TCHH: variants seen among roughly 807,000 people sequenced by gnomAD.
TCHH encodes the protein trichohyalin.
Under a neutral mutation model 6.3 loss-of-function variants are expected in TCHH, and 6 were observed. The ratio of observed to expected loss-of-function variants is 0.95; its 90% CI spans 0.52 to 1.88. TCHH has a LOEUF of 1.88. Among genes scored for constraint, TCHH ranks in the 40% most tolerant of loss-of-function variants. The probability of loss-of-function intolerance (pLI) is 0.01; values close to 1 mark genes in which losing one functional copy is unlikely to be tolerated. For missense variants in TCHH, 2,920 were observed against 2,449.1 expected, an observed-to-expected ratio of 1.19 and a Z score of -4.06; for synonymous variants, 1,087 against 963.6, an observed-to-expected ratio of 1.13 and a Z score of -2.37.
Position 152,107,574 on chromosome 1 carries a change from C to T in TCHH, c.5643G>A (p.Arg1881=). The part of the protein sequence containing the change: ...KRRQERERKL[R]EEHIRRQQKE... Reference sequence around the variant, plus strand: ...TCTGCTGGCGGCGGATGTGTTCTTCCCGTAATTTCCTTTCCCGTTCCTGGC... The same window carrying T: ...TCTGCTGGCGGCGGATGTGTTCTTCTCGTAATTTCCTTTCCCGTTCCTGGC... The change falls in exon 3 of 3, where the codon CGG becomes CGA. Residue 1881 remains arginine (R), a synonymous_variant. Transcript: ENST00000614923. 3 of 1,614,060 alleles carry T rather than the reference C, an allele frequency of 1.9e-6. No individual in the cohort carries two copies.
At position 152,109,494 on chromosome 1, in the gene TCHH, G is replaced by A; in HGVS notation, c.3723C>T (p.Tyr1241=). The change falls in exon 3 of 3, where the codon TAC becomes TAT. Residue 1241 remains tyrosine (Y), a synonymous_variant. Transcript: ENST00000614923. ...ACTGTTCATTCTCTCTGCCTTTGCA[G>A]TAAACCTTGTTATCACGAACTGCAT... is the stretch of plus-strand genomic sequence containing the variant. The part of the protein sequence containing the change: ...KENAVRDNKV[Y]CKGRENEQFR... 1.2e-6 allele frequency: 2 copies of A among 1,614,280 alleles called. No homozygotes were observed. The highest frequency in any genetic ancestry group is 1.7e-6 in the Non-Finnish European group (2 of 1,180,056).
Position 152,113,038 on chromosome 1 carries a change from A to C in TCHH, c.179T>G (p.Leu60Arg). 6.2e-7 allele frequency: 1 copy of C among 1,613,864 alleles called. No individual in the cohort carries two copies. The highest frequency in any genetic ancestry group is 8.5e-7 in the Non-Finnish European group (1 of 1,179,892). ...ACGCCCATTACTGTCAAGATCCAGA[A>C]GTTCCAGGATCAGATCTACCGTCTT... ...DPKTVDLILE[L>R]LDLDSNGRVD... Residue 60 changes from leucine (L) to arginine (R), a missense_variant, in exon 3 of 3, where the codon CTT becomes CGT. Physicochemically the swap from Leu to Arg is moderately radical, Grantham distance 102 (BLOSUM62 -2). Transcript: ENST00000614923.
rs750300512 is a variant in TCHH, at chr1:152,110,354, C to G, written c.2863G>C (p.Glu955Gln). The stretch of plus-strand genomic sequence containing the variant: ...TCCTTCCGATATTGCCTTTCCCGCT[C>G]CTGGCGTCTTCTTTTCTCCCGTTCC... ...REEREKRRRQ[E>Q]RERQYRKDKK... Residue 955 changes from glutamate to glutamine, a missense_variant, in exon 3 of 3, where the codon GAG becomes CAG. By Grantham distance (29) the Glu-to-Gln change is conservative. Transcript: ENST00000614923. 6 of 1,611,536 alleles carry G rather than the reference C, an allele frequency of 3.7e-6. No homozygotes were observed. Among genetic ancestry groups the G allele is most frequent in the Admixed American group, 3.4e-5 (2 of 59,698 alleles).
In TCHH at chr1:152,108,359, T is replaced by G. The variant is rs532836498; in HGVS notation, c.4858A>C (p.Lys1620Gln). Residue 1620 changes from lysine (K) to glutamine (Q), a missense_variant, in exon 3 of 3, where the codon AAA (lysine) becomes CAA (glutamine). Transcript: ENST00000614923. ...QQQLRQERDR[K>Q]FREDEQLLQE... is the part of the protein sequence containing the mutation. ...AGCAGCTGTTCGTCTTCGCGGAATT[T>G]TCTGTCGCGCTCCTGGCGCAGCTGT... 6.2e-7 allele frequency: 1 copy of G among 1,607,014 alleles called. No individual in the cohort carries two copies. Among genetic ancestry groups the G allele is most frequent in the African/African-American group, 1.4e-5 (1 of 72,940 alleles).
In TCHH at chr1:152,113,046, G is replaced by T; in HGVS notation, c.171C>A (p.Ile57=). Residue 57 remains isoleucine (I), a synonymous_variant, in exon 3 of 3, where the codon ATC becomes ATA. Transcript: ENST00000614923. Reference sequence around the variant, plus strand: ...TACTGTCAAGATCCAGAAGTTCCAGGATCAGATCTACCGTCTTAGGGTCAT... The same window carrying T: ...TACTGTCAAGATCCAGAAGTTCCAGTATCAGATCTACCGTCTTAGGGTCAT... ...RPHDPKTVDL[I]LELLDLDSNG... The T allele has an allele frequency of 6.2e-7, 1 of 1,613,510 alleles. No homozygotes were observed. The highest frequency in any genetic ancestry group is 8.5e-7 in the Non-Finnish European group (1 of 1,179,740).
In TCHH at chr1:152,111,147, C is replaced by T; in HGVS notation, c.2070G>A (p.Gln690=). The T allele has an allele frequency of 6.2e-7, 1 of 1,613,898 alleles. No homozygotes were observed. Among genetic ancestry groups the T allele is most frequent in the Non-Finnish European group, 8.5e-7 (1 of 1,180,040 alleles). ...RREQELAEEE[Q]EQARERIKSR... is the part of the protein sequence containing the mutation. ...TCTTAATCCGCTCCCGGGCCTGTTC[C>T]TGCTCCTCCTCAGCTAGCTCCTGCT... Residue 690 remains glutamine (Q), a synonymous_variant, in exon 3 of 3, where the codon CAG becomes CAA. Transcript: ENST00000614923.
Position 152,113,048 on chromosome 1 carries a change from T to C in TCHH, c.169A>G (p.Ile57Val), listed in dbSNP as rs773274206. 1.7e-5 allele frequency: 28 copies of C among 1,613,496 alleles called. 1 individual carries two copies. The highest frequency in any genetic ancestry group is 4.4e-5 in the South Asian group (4 of 91,018). Residue 57 changes from isoleucine (I) to valine (V), a missense_variant, in exon 3 of 3, where the codon ATC (isoleucine) becomes GTC (valine). By Grantham distance (29) the Ile-to-Val change is conservative. Coordinates refer to ENST00000614923, the MANE Select transcript of TCHH (RefSeq NM_007113.4). ...CTGTCAAGATCCAGAAGTTCCAGGATCAGATCTACCGTCTTAGGGTCATGT... is the reference window on the plus strand; with the variant it reads ...CTGTCAAGATCCAGAAGTTCCAGGACCAGATCTACCGTCTTAGGGTCATGT... ...RPHDPKTVDL[I>V]LELLDLDSNG...
intron 1 of TCHH, 103 bp from the exon 2 acceptor site, chr1:152,114,214 A>C: frequency 1.2e-6 from 1 of 801,538 alleles, no homozygotes; most frequent in Non-Finnish European, 1.9e-6. Context: ...TTGAATTTAT[A>C]GCGGTAATTT....
rs1249929520 is a variant in TCHH, at chr1:152,108,122, G to A, written c.5095C>T (p.Gln1699Ter). 3.7e-6 allele frequency: 6 copies of A among 1,612,944 alleles called. No homozygotes were observed. Among genetic ancestry groups the A allele is most frequent in the Admixed American group, 3.3e-5 (2 of 59,950 alleles). Residue 1699 changes from glutamine to a stop codon, truncating the protein, a stop_gained, in exon 3 of 3, where the codon CAG (glutamine) becomes TAG (stop). Transcript: ENST00000614923. LOFTEE classifies it low-confidence loss of function (END_TRUNC). ...RDRKFREEEQQLRRQERERKF... is the reference protein window; with the variant it reads ...RDRKFREEEQ ...CTCTCTCGTTCCTGACGGCGGAGCT[G>A]CTGTTCCTCTTCGCGGAATTTTCTG...
Position 152,109,728 on chromosome 1 carries a change from G to A in TCHH, c.3489C>T (p.Arg1163=). The change falls in exon 3 of 3, where the codon CGC becomes CGT. Residue 1163 remains arginine, a synonymous_variant. Transcript: ENST00000614923. ...LLREEPEKRR[R]QELERQYREE... ...CGCGGTATTGCCTCTCCAGCTCCTG[G>A]CGCCTTCTCTTCTCCGGTTCCTCTC... 1 of 1,602,470 alleles carries A rather than the reference G, an allele frequency of 6.2e-7. No homozygotes were observed. The highest frequency in any genetic ancestry group is 8.5e-7 in the Non-Finnish European group (1 of 1,176,384).
chr1:152,110,611 C>T lies in TCHH; in HGVS notation c.2606G>A (p.Arg869His), dbSNP rs1021245656. ...DQERRRSQEQ[R>H]RDQKWRWQLE... is the part of the protein sequence containing the mutation. ...TTGCCACCTCCATTTTTGGTCGCGG[C>T]GCTGCTCCTGGCTTCGCCTCCTCTC... The change falls in exon 3 of 3, where the codon CGC (arginine) becomes CAC (histidine). Residue 869 changes from arginine (R) to histidine (H), a missense_variant. Coordinates refer to ENST00000614923, the MANE Select transcript of TCHH (RefSeq NM_007113.4). 2.5e-6 allele frequency: 4 copies of T among 1,614,046 alleles called. No individual in the cohort carries two copies. The highest frequency in any genetic ancestry group is 1.3e-5 in the African/African-American group (1 of 74,924).
At position 152,108,835 on chromosome 1, in the gene TCHH, C is replaced by T; in HGVS notation, c.4382G>A (p.Arg1461Lys). 1.2e-6 allele frequency: 2 copies of T among 1,608,080 alleles called. No individual in the cohort carries two copies. The highest frequency in any genetic ancestry group is 1.4e-5 in the African/African-American group (1 of 72,722). ...EEQQLRQERH[R>K]KFREEEQLLQ... ...CAGCTGTTCCTCTTCGCGGAATTTT[C>T]TGTGACGCTCCTGGCGCAGCTGCTG... The change falls in exon 3 of 3, where the codon AGA becomes AAA. Residue 1461 changes from arginine to lysine, a missense_variant. Physicochemically the swap from Arg to Lys is conservative, Grantham distance 26 (BLOSUM62 2). Transcript: ENST00000614923.
intron 1 of TCHH, among the ~76,000 whole-genome samples, chr1:152,114,382 GTCTT>G (rs1187459418): frequency 2.6e-5 from 4 of 152,180 alleles, no homozygotes; most frequent in African/African-American, 9.7e-5. Context: ...CTTTTCTTCT[GTCTT>G]TCTTCCAGCT....
In TCHH at chr1:152,111,036, T is replaced by C; in HGVS notation, c.2181A>G (p.Glu727=). 1 of 1,613,462 alleles carries C rather than the reference T, an allele frequency of 6.2e-7. No homozygotes were observed. Among genetic ancestry groups the C allele is most frequent in the Non-Finnish European group, 8.5e-7 (1 of 1,179,974 alleles). ...CCTGCTCTTGGCGGCGCCTCTGCCC[T>C]TCCTGCTTGCGGGGCCTCGAGTAGA... ...SKVYSRPRKQ[E]GQRRRQEQEE... The change falls in exon 3 of 3, where the codon GAA becomes GAG. Residue 727 remains glutamate (E), a synonymous_variant. Coordinates refer to ENST00000614923, the MANE Select transcript of TCHH (RefSeq NM_007113.4).
chr1:152,109,320 C>A lies in TCHH; in HGVS notation c.3897G>T (p.Leu1299=). ...RDRHFPEEEQ[L]EREEQKEAKR... ...TGGCTTCCTTTTGCTCTTCTCGCTC[C>A]AGCTGTTCTTCCTCTGGGAAATGCC... The change falls in exon 3 of 3, where the codon CTG becomes CTT. Residue 1299 remains leucine (L), a synonymous_variant. Transcript: ENST00000614923. The A allele has an allele frequency of 1.9e-6, 3 of 1,614,224 alleles. No individual in the cohort carries two copies. In the Admixed American group the frequency reaches 5.0e-5, roughly 27 times the overall value.
At position 152,107,752 on chromosome 1, in the gene TCHH, C is replaced by A. The variant is rs550260117; in HGVS notation, c.5465G>T (p.Arg1822Leu). Residue 1822 changes from arginine (R) to leucine (L), a missense_variant, in exon 3 of 3, where the codon CGC becomes CTC. By Grantham distance (102) the Arg-to-Leu change is moderately radical. Coordinates refer to ENST00000614923, the MANE Select transcript of TCHH (RefSeq NM_007113.4). ...LRPQQRDGKY[R>L]WEEEQLQLEE... ...AAGTTGGAGCTGCTCTTCTTCCCAG[C>A]GATACTTTCCGTCACGCTGTTGGGG... 1.2e-6 allele frequency: 2 copies of A among 1,614,208 alleles called. No individual in the cohort carries two copies. Among genetic ancestry groups the A allele is most frequent in the East Asian group, 2.2e-5 (1 of 44,882 alleles).
Position 152,111,503 on chromosome 1 carries a change from C to T in TCHH, c.1714G>A (p.Glu572Lys). ...TTCAGCAGCTGATCGCGCCTCTCCTCCTGCTCGCGCTTCAGCCGCTGCTCT... is the reference window on the plus strand; with the variant it reads ...TTCAGCAGCTGATCGCGCCTCTCCTTCTGCTCGCGCTTCAGCCGCTGCTCT... ...RREQRLKREQ[E>K]ERRDQLLKRE... Residue 572 changes from glutamate to lysine, a missense_variant, in exon 3 of 3, where the codon GAG becomes AAG. Transcript: ENST00000614923. The T allele has an allele frequency of 1.3e-6, 2 of 1,598,164 alleles. No individual in the cohort carries two copies. The highest frequency in any genetic ancestry group is 2.2e-5 in the South Asian group (2 of 90,406).
At position 152,112,459 on chromosome 1, in the gene TCHH, A is replaced by G. The variant is rs780054991; in HGVS notation, c.758T>C (p.Leu253Pro). ...CTGCAACTTCTCTTCTTCCTTCCGG[A>G]GCACTGTCTCGCGCTTCCTCCACTC... ...EKEWRKRETV[L>P]RKEEEKLQEE... is the part of the protein sequence containing the mutation. The change falls in exon 3 of 3, where the codon CTC becomes CCC. Residue 253 changes from leucine to proline, a missense_variant. Physicochemically the swap from Leu to Pro is moderately conservative, Grantham distance 98. Coordinates refer to ENST00000614923, the MANE Select transcript of TCHH (RefSeq NM_007113.4). 1 of 1,612,928 alleles carries G rather than the reference A, an allele frequency of 6.2e-7. No homozygotes were observed. Among genetic ancestry groups the G allele is most frequent in the South Asian group, 1.1e-5 (1 of 91,008 alleles).
Position 152,109,976 on chromosome 1 carries a change from G to C in TCHH, c.3241C>G (p.Arg1081Gly), listed in dbSNP as rs1358298492. Residue 1081 changes from arginine (R) to glycine (G), a missense_variant, in exon 3 of 3, where the codon CGG becomes GGG. Transcript: ENST00000614923. ...RRRQELERQYRKEEELQQEEE... is the reference protein window; with the variant it reads ...RRRQELERQYGKEEELQQEEE... ...TCCTGCTGCAGCTCCTCTTCCTTCC[G>C]ATATTGCCTCTCCAGCTCCTGGCGC... 2.0e-6 allele frequency: 3 copies of C among 1,532,860 alleles called. No individual in the cohort carries two copies. The Admixed American group carries it at 5.7e-5, about 29-fold the overall frequency. 95.0% of individuals were successfully genotyped at this position (1,532,860 alleles called of 1,614,324 possible).
Sources: allele counts gnomAD v4.1 joint callset (sites outside exome capture counted in the v4.1 genomes callset), GRCh38; gene constraint gnomAD v4.1.1; transcripts MANE v1.5; gene names NCBI Gene and HGNC (gene_info 2026-07-23, HGNC 2026-07-21).